CFAP54: variants seen among roughly 807,000 people sequenced by gnomAD.
CFAP54 encodes cilia and flagella associated protein 54, also known as cilia- and flagella-associated protein 54.
A neutral mutation model predicts 370.4 loss-of-function variants in CFAP54; 290 were observed. The observed-to-expected ratio is 0.78, with a 90% confidence interval of 0.71 to 0.86. The LOEUF is 0.86. Ranked by LOEUF, CFAP54 falls within the 40% of genes least tolerant of loss-of-function variation. CFAP54 has a pLI of 0.00. For synonymous variants in CFAP54, 1,206 were observed against 1,236.5 expected (o/e 0.98, Z 0.52); for missense variants, 3,399 against 3,528.7 (o/e 0.96, Z 0.93).
intron 10 of CFAP54, 38 bp downstream of exon 10, chr12:96,534,011 G>C: frequency 6.7e-7 from 1 of 1,483,112 alleles, no homozygotes; most frequent in African/African-American, 1.5e-5. Flanking sequence ...TTTTTTTTTT[G>C]TTAAAATGAC....
intron 66 of CFAP54, among the ~76,000 whole-genome samples, chr12:96,836,916 C>G (rs1221392223): frequency 1.3e-5 from 2 of 152,172 alleles, no homozygotes; most frequent in Non-Finnish European, 2.9e-5. Flanking sequence ...TAACTTTAAA[C>G]TCCTAGGCTC....
At chr12:96,649,578 T>C (rs1020877493) in intron 34 of CFAP54, among the ~76,000 whole-genome samples, 3 of 152,204 alleles carry the variant, frequency 2.0e-5, no homozygotes, top group Admixed American at 1.3e-4. Context: ...AGGACAGTAG[T>C]ATTTTCTATT....
At chr12:96,634,765 G>A (rs7296393) in intron 32 of CFAP54, among the ~76,000 whole-genome samples, 5,190 of 152,256 alleles carry the variant, frequency 0.034, 215 homozygotes, top group African/African-American at 0.098. Context: ...TGCATAAGAT[G>A]TGAGGTTTAG....
chr12:96,752,261 C>T (rs926236914), intron 55 of CFAP54, among the ~76,000 whole-genome samples: 1 of 152,122 alleles, frequency 6.6e-6, no homozygotes, highest in African/African-American at 2.4e-5. Context: ...AATTTCAGAA[C>T]CTAAAGATAC....
At chr12:96,818,356 C>G (rs768308525) in intron 65 of CFAP54, among the ~76,000 whole-genome samples, 1 of 151,988 alleles carries the variant, frequency 6.6e-6, no homozygotes, top group East Asian at 1.9e-4. Flanking sequence ...GGCTGTTATC[C>G]GTATAGTATG....
intron 67 of CFAP54, among the ~76,000 whole-genome samples, chr12:96,874,524 CAG>C (rs1225366500): frequency 4.0e-5 from 6 of 151,346 alleles, no homozygotes; most frequent in African/African-American, 1.5e-4. Context: ...AGAGTTAAAA[CAG>C]AGGGACTTCC....
chr12:96,854,547 G>A (rs1310059972), intron 66 of CFAP54, among the ~76,000 whole-genome samples: 1 of 152,050 alleles, frequency 6.6e-6, no homozygotes, highest in South Asian at 2.1e-4. Flanking sequence ...AAGCACTTGT[G>A]TACAAAAATA....
rs1456204660 is a variant in CFAP54, at chr12:96,753,862, G to C, written c.7804G>C (p.Glu2602Gln). The C allele has an allele frequency of 6.2e-7, 1 of 1,613,776 alleles. No homozygotes were observed. Among genetic ancestry groups the C allele is most frequent in the Non-Finnish European group, 8.5e-7 (1 of 1,179,820 alleles). Reference protein sequence around the residue: ...LKLCRTTAVEEHEVEAEILFQ... With the variant: ...LKLCRTTAVEQHEVEAEILFQ... ...GCTCTGTAGAACAACAGCAGTGGAG[G>C]AACATGAGGTGGAAGCTGAAATCCT... is the stretch of plus-strand genomic sequence containing the variant. The change falls in exon 56 of 68, where the codon GAA (glutamate) becomes CAA (glutamine). Residue 2602 changes from glutamate (E) to glutamine (Q), a missense_variant. By Grantham distance (29) the Glu-to-Gln change is conservative (BLOSUM62 2). Transcript: ENST00000524981.
intron 46 of CFAP54, among the ~76,000 whole-genome samples, 177 bp from the exon 47 acceptor site, chr12:96,704,566 G>A (rs1484451908): frequency 7.2e-6 from 1 of 139,310 alleles, no homozygotes; most frequent in Admixed American, 7.7e-5. Context: ...ATTCTTAAAA[G>A]AAGTTGACTT....
chr12:96,585,494 T>A (rs1956068545), intron 22 of CFAP54, among the ~76,000 whole-genome samples: 2 of 152,186 alleles, frequency 1.3e-5, no homozygotes, highest in Non-Finnish European at 2.9e-5. Flanking sequence ...TATTTAATAT[T>A]GTAATCTACC....
intron 24 of CFAP54, among the ~76,000 whole-genome samples, chr12:96,593,936 G>A (rs1048131410): frequency 6.6e-6 from 1 of 151,832 alleles, no homozygotes. Context: ...TCAAATGGGG[G>A]CAATATTATA....
chr12:96,629,472 AT>A (rs11314576), intron 30 of CFAP54, among the ~76,000 whole-genome samples: 40,279 of 142,258 alleles, frequency 0.28, 6,043 homozygotes, highest in East Asian at 0.64. Context: ...CGCCCAACTA[AT>A]TTTTTTTTTT....
At chr12:96,746,930 T>C (rs551522269) in intron 55 of CFAP54, among the ~76,000 whole-genome samples, 5 of 152,340 alleles carry the variant, frequency 3.3e-5, no homozygotes, top group Middle Eastern at 6.8e-3. Flanking sequence ...GCATCACTGC[T>C]TCCAGGAAAC....
Position 96,616,205 on chromosome 12 carries a change from C to CT in CFAP54, c.3640-5382dup, listed in dbSNP as rs557201983. 9.7e-4 allele frequency among the ~76,000 whole-genome samples: 148 copies of CT among 152,310 alleles called. 3 individuals carry two copies. The East Asian group carries it at 0.024, about 25-fold the overall frequency. ...GCCATAAAAAGGATGAGTTCATGTC[C>CT]TTTGTGGGGACATCGATGAAGCTGG... On this transcript the variant is annotated intron_variant, in intron 26 of 67. Transcript: ENST00000524981.
chr12:96,690,612 C>T (rs1443893109), intron 43 of CFAP54, among the ~76,000 whole-genome samples: 1 of 152,060 alleles, frequency 6.6e-6, no homozygotes, highest in Non-Finnish European at 1.5e-5. Flanking sequence ...CTACTTATAG[C>T]TTGGTATAGT....
At chr12:96,632,870 A>G (rs1956623252) in intron 32 of CFAP54, among the ~76,000 whole-genome samples, 1 of 152,186 alleles carries the variant, frequency 6.6e-6, no homozygotes, top group East Asian at 1.9e-4. Context: ...TTTTTCTGTT[A>G]GTAGACAGAT....
Position 96,534,124 on chromosome 12 carries a change from A to G in CFAP54, c.1602A>G (p.Glu534=). ...ATTTAACTCTTCTGATTGCAATGGA[A>G]CCACTAATCAACGTGAAGAGAAACA... The part of the protein sequence containing the change: ...EKDLTLLIAM[E]PLINVKRNKG... The change falls in exon 11 of 68, where the codon GAA becomes GAG. Residue 534 remains glutamate (E), a synonymous_variant. Transcript: ENST00000524981. 1 of 1,534,040 alleles carries G rather than the reference A, an allele frequency of 6.5e-7. No homozygotes were observed. The highest frequency in any genetic ancestry group is 2.4e-5 in the East Asian group (1 of 40,868).
chr12:96,504,949 CT>C (rs746915155), intron 3 of CFAP54, among the ~76,000 whole-genome samples: 5 of 141,392 alleles, frequency 3.5e-5, no homozygotes, highest in Non-Finnish European at 6.4e-5. Flanking sequence ...CTCTTTCTTT[CT>C]TTTTCTTTCT....
chr12:96,709,631 T>C (rs1957588210), intron 48 of CFAP54, among the ~76,000 whole-genome samples: 1 of 152,014 alleles, frequency 6.6e-6, no homozygotes. Flanking sequence ...TGATATGGTA[T>C]GTTACATTAA....
Sources: gnomAD v4.1 joint callset for allele counts (sites outside exome capture counted in the v4.1 genomes callset) on GRCh38, gnomAD v4.1.1 for gene constraint, MANE v1.5 for transcripts, NCBI Gene and HGNC (gene_info 2026-07-23, HGNC 2026-07-21) for gene names.